The following RBFOX1 variants were observed in gnomAD, a reference collection of about 807,000 sequenced individuals.
RBFOX1 encodes the protein RNA binding fox-1 homolog 1, also known as RNA binding protein fox-1 homolog 1.
A neutral mutation model predicts 57.7 loss-of-function variants in RBFOX1; 8 were observed. The observed-to-expected ratio is 0.14, with a 90% CI of 0.08 to 0.25. The LOEUF is 0.25. Among genes scored for constraint, RBFOX1 ranks in the 10% least tolerant of loss-of-function variants. RBFOX1 has a pLI of 1.00. For missense variants in RBFOX1, 611 were observed against 548.5 expected (o/e 1.11, Z -1.14); for synonymous variants, 326 against 222.4 (o/e 1.47, Z -4.15).
In RBFOX1 at chr16:6,722,431, G is replaced by C. The variant is rs1296168290; in HGVS notation, c.-16+67781G>C. Among the ~76,000 whole-genome samples the C allele has an allele frequency of 3.3e-5, 5 of 152,166 alleles. No homozygotes were observed. In the East Asian group the frequency reaches 9.6e-4, roughly 29 times the overall value. ...AAGTATATTATTTGCAGAGCAGCTG[G>C]AAACATCTCATTCTCTTCCATCCAC... On this transcript the variant is annotated intron_variant, in intron 3 of 15. Coordinates refer to ENST00000550418, the MANE Select transcript of RBFOX1 (RefSeq NM_018723.4).
intron 3 of RBFOX1, among the ~76,000 whole-genome samples, chr16:7,041,459 A>G (rs1380205152): frequency 6.6e-6 from 1 of 152,154 alleles, no homozygotes; most frequent in Non-Finnish European, 1.5e-5. Flanking sequence ...ACTTGTGGAC[A>G]TTGGCATTCT....
intron 2 of RBFOX1, among the ~76,000 whole-genome samples, chr16:5,556,014 C>G (rs973584890): frequency 3.3e-5 from 5 of 150,526 alleles, no homozygotes; most frequent in African/African-American, 1.3e-4. Context: ...GAGTGAGACT[C>G]TGTCTCAAAA....
At chr16:6,732,185 C>G (rs1001234337) in intron 3 of RBFOX1, among the ~76,000 whole-genome samples, 1 of 152,192 alleles carries the variant, frequency 6.6e-6, no homozygotes, top group Non-Finnish European at 1.5e-5. Flanking sequence ...CAAAGATTGA[C>G]TTTCCCTGCT....
At chr16:6,829,492 A>AG (rs1285494524) in intron 3 of RBFOX1, among the ~76,000 whole-genome samples, 4 of 151,144 alleles carry the variant, frequency 2.6e-5, no homozygotes, top group Admixed American at 1.3e-4. Flanking sequence ...AAAAAAAAAA[A>AG]AAACAAAAAA....
intron 4 of RBFOX1, among the ~76,000 whole-genome samples, chr16:5,964,748 T>A (rs12930015): frequency 0.025 from 3,738 of 152,062 alleles, 67 homozygotes; most frequent in Middle Eastern, 0.052. Context: ...TTAGGTTATG[T>A]GTGTGTATAT....
At chr16:5,461,589 C>T (rs577632295) in intron 1 of RBFOX1, among the ~76,000 whole-genome samples, 1 of 152,196 alleles carries the variant, frequency 6.6e-6, no homozygotes, top group Non-Finnish European at 1.5e-5. Context: ...CAGAGTCTGC[C>T]TTAATCCTTG....
intron 3 of RBFOX1, among the ~76,000 whole-genome samples, chr16:6,806,436 G>A (rs1250688639): frequency 1.3e-5 from 2 of 152,090 alleles, no homozygotes; most frequent in African/African-American, 4.8e-5. Flanking sequence ...AAATTCATAT[G>A]CTAACTAGAG....
chr16:6,644,859 G>C (rs904932088), intron 2 of RBFOX1, among the ~76,000 whole-genome samples: 1 of 152,150 alleles, frequency 6.6e-6, no homozygotes, highest in South Asian at 2.1e-4. Context: ...TCTTTTTTCA[G>C]TATTAAGTAG....
At chr16:6,387,839 G>A (rs143931618) in intron 2 of RBFOX1, among the ~76,000 whole-genome samples, 7 of 151,992 alleles carry the variant, frequency 4.6e-5, no homozygotes, top group African/African-American at 7.2e-5. Context: ...GGAGAGCTTC[G>A]TCTGTCTCAG....
At chr16:7,408,117 C>T (rs779237105) in intron 4 of RBFOX1, among the ~76,000 whole-genome samples, 1 of 152,224 alleles carries the variant, frequency 6.6e-6, no homozygotes, top group African/African-American at 2.4e-5. Flanking sequence ...ACACAACACT[C>T]TCACAACATG....
chr16:5,806,193 GT>G (rs2055221230), intron 3 of RBFOX1, among the ~76,000 whole-genome samples: 2 of 152,216 alleles, frequency 1.3e-5, no homozygotes, highest in African/African-American at 4.8e-5. Flanking sequence ...CTGGAGGGAG[GT>G]TTTCTCTATC....
intron 4 of RBFOX1, among the ~76,000 whole-genome samples, chr16:7,232,617 G>A (rs1032666967): frequency 1.3e-5 from 2 of 152,004 alleles, no homozygotes; most frequent in Non-Finnish European, 2.9e-5. Context: ...CGAAGCGGGT[G>A]GATCACCTGA....
chr16:6,174,523 A>G (rs2096988389), intron 1 of RBFOX1, among the ~76,000 whole-genome samples: 1 of 152,206 alleles, frequency 6.6e-6, no homozygotes, highest in Admixed American at 6.5e-5. Flanking sequence ...TGAACCCAGG[A>G]GGTGGAGGCT....
intron 2 of RBFOX1, among the ~76,000 whole-genome samples, chr16:6,482,651 GAA>G (rs888043421): frequency 4.6e-5 from 7 of 152,162 alleles, no homozygotes; most frequent in Admixed American, 3.9e-4. Context: ...ACGTAACGTG[GAA>G]AAAGAGTTGA....
chr16:6,137,634 G>C (rs1268213514), intron 1 of RBFOX1, among the ~76,000 whole-genome samples: 7 of 30,694 alleles, frequency 2.3e-4, no homozygotes, highest in African/African-American at 7.4e-4. Flanking sequence ...TTTTTTTTTT[G>C]ACAGGGTCTG....
At chr16:7,368,290 A>T (rs2097501185) in intron 4 of RBFOX1, among the ~76,000 whole-genome samples, 1 of 151,304 alleles carries the variant, frequency 6.6e-6, no homozygotes, top group Non-Finnish European at 1.5e-5. Context: ...GAGAGAGAAG[A>T]AAGGCCGTAA....
intron 4 of RBFOX1, among the ~76,000 whole-genome samples, chr16:7,353,868 C>A (rs970205513): frequency 6.6e-6 from 1 of 152,122 alleles, no homozygotes; most frequent in African/African-American, 2.4e-5. Context: ...TGAAAATGTT[C>A]TGGAATTATC....
At chr16:6,742,362 GTC>G (rs546308554) in intron 3 of RBFOX1, among the ~76,000 whole-genome samples, 68 of 152,310 alleles carry the variant, frequency 4.5e-4, no homozygotes, top group Non-Finnish European at 6.0e-4. Context: ...TAGAAAGTGT[GTC>G]TCTCATATAC....
At chr16:7,243,886 G>C (rs2094175844) in intron 4 of RBFOX1, among the ~76,000 whole-genome samples, 1 of 152,124 alleles carries the variant, frequency 6.6e-6, no homozygotes, top group Non-Finnish European at 1.5e-5. Context: ...GTTATAATCT[G>C]GGATTTCACA....
Sources: gnomAD v4.1 joint callset for allele counts (sites outside exome capture counted in the v4.1 genomes callset) on GRCh38, gnomAD v4.1.1 for gene constraint, MANE v1.5 for transcripts, NCBI Gene and HGNC (gene_info 2026-07-23, HGNC 2026-07-21) for gene names.